Variants in ABLIM1 observed in about 807,000 individuals in gnomAD.
ABLIM1 encodes actin-binding LIM protein 1.
A neutral mutation model predicts 107.0 loss-of-function variants in ABLIM1; 40 were observed. The observed-to-expected ratio is 0.37, with a 90% CI of 0.29 to 0.49. The LOEUF (loss-of-function observed/expected upper bound fraction) is 0.49, where lower values mean the gene tolerates loss of function less well. Ranked by LOEUF, ABLIM1 falls within the 20% of genes least tolerant of loss-of-function variation. ABLIM1 has a pLI of 0.97. For missense variants in ABLIM1, 857 were observed against 1,008.5 expected, an observed-to-expected ratio of 0.85 and a Z score of 2.04; for synonymous variants, 357 against 357.3, an observed-to-expected ratio of 1.00 and a Z score of 0.01.
the ABLIM1 span, among the ~76,000 whole-genome samples, chr10:114,794,319 A>C: frequency 6.6e-6 from 1 of 152,184 alleles, no homozygotes; most frequent in Non-Finnish European, 1.5e-5. Context: ...CTCATCCCCA[A>C]TTACAATGCA....
At chr10:114,464,254 T>C (rs4298818) in intron 12 of ABLIM1, among the ~76,000 whole-genome samples, 70,261 of 150,640 alleles carry the variant, frequency 0.47, 16,409 homozygotes, top group East Asian at 0.54. Flanking sequence ...GGCGCCATCT[T>C]GGCTCACTGC....
intron 1 of ABLIM1, among the ~76,000 whole-genome samples, chr10:114,706,242 A>C (rs1169042927): frequency 6.6e-6 from 1 of 152,358 alleles, no homozygotes; most frequent in Non-Finnish European, 1.5e-5. Flanking sequence ...TTGGGAGTTC[A>C]ACTGATTTAG....
chr10:114,598,274 C>CAAA (rs58133284), intron 2 of ABLIM1, among the ~76,000 whole-genome samples: 857 of 62,824 alleles, frequency 0.014, 11 homozygotes, highest in Non-Finnish European at 0.018. Context: ...AACTCCATCT[C>CAAA]AAAAAAAAAA....
At chr10:114,642,578 T>G (rs1382397432) in intron 1 of ABLIM1, among the ~76,000 whole-genome samples, 1 of 152,134 alleles carries the variant, frequency 6.6e-6, no homozygotes, top group East Asian at 1.9e-4. Context: ...AAAGATTTTT[T>G]TAAATGTATA....
chr10:114,650,657 T>C (rs1044560337), intron 1 of ABLIM1, among the ~76,000 whole-genome samples: 1 of 152,236 alleles, frequency 6.6e-6, no homozygotes, highest in African/African-American at 2.4e-5. Context: ...GTCTTACTTC[T>C]ACCTTTTTCT....
At chr10:114,460,031 GGTCTAAGA>G (rs2063544273) in intron 12 of ABLIM1, among the ~76,000 whole-genome samples, 1 of 152,074 alleles carries the variant, frequency 6.6e-6, no homozygotes, top group African/African-American at 2.4e-5. Context: ...GATCATTCTT[GGTCTAAGA>G]GTCAATAAGA....
At chr10:114,664,437 G>T (rs532263344) in intron 1 of ABLIM1, among the ~76,000 whole-genome samples, 2 of 152,178 alleles carry the variant, frequency 1.3e-5, no homozygotes, top group Non-Finnish European at 2.9e-5. Context: ...CGTTACAGCA[G>T]TAAAAGTTTG....
At chr10:114,684,877 G>C (rs1473057558) in exon 1 of ABLIM1, 1 of 320,960 alleles carries the variant, frequency 3.1e-6, no homozygotes, top group Non-Finnish European at 4.5e-6. Context: ...CAACCAGATG[G>C]GCTTTTAATT....
chr10:114,518,506 C>T (rs1354098631), intron 6 of ABLIM1, among the ~76,000 whole-genome samples: 1 of 151,304 alleles, frequency 6.6e-6, no homozygotes, highest in South Asian at 2.1e-4. Context: ...CAGACGTGGT[C>T]CTGTGCCAAT....
the ABLIM1 span, among the ~76,000 whole-genome samples, chr10:114,782,403 C>T: frequency 1.4e-4 from 21 of 152,138 alleles, no homozygotes; most frequent in East Asian, 2.9e-3. Flanking sequence ...GAACTACCCA[C>T]AGAAAGAGCA....
At position 114,559,774 on chromosome 10, in the gene ABLIM1, C is replaced by A. The variant is rs191949147; in HGVS notation, c.673+11523G>T. Reference sequence around the variant, plus strand: ...ATGGCTGAAGCTTGAAGGCTGTGTTCTCAGCACTGTTGATACTCTTTTTTC... The same window carrying A: ...ATGGCTGAAGCTTGAAGGCTGTGTTATCAGCACTGTTGATACTCTTTTTTC... On this transcript the variant is annotated intron_variant, in intron 4 of 22. Coordinates refer to ENST00000533213, the MANE Select transcript of ABLIM1 (RefSeq NM_002313.7). 3.9e-5 allele frequency among the ~76,000 whole-genome samples: 6 copies of A among 152,334 alleles called. No individual in the cohort carries two copies. The East Asian group carries it at 1.2e-3, about 29-fold the overall frequency.
chr10:114,466,851 G>C (rs2065275585), intron 11 of ABLIM1, among the ~76,000 whole-genome samples: 1 of 152,048 alleles, frequency 6.6e-6, no homozygotes, highest in African/African-American at 2.4e-5. Context: ...ACAAATTGGG[G>C]CACAATTAAG....
At chr10:114,467,196 A>G (rs2065361466) in intron 11 of ABLIM1, among the ~76,000 whole-genome samples, 1 of 152,194 alleles carries the variant, frequency 6.6e-6, no homozygotes, top group Non-Finnish European at 1.5e-5. Context: ...ATTCAATGGA[A>G]TATCATAGCA....
chr10:114,716,095 T>C (rs2081654558), intron 1 of ABLIM1, among the ~76,000 whole-genome samples: 1 of 152,096 alleles, frequency 6.6e-6, no homozygotes, highest in Non-Finnish European at 1.5e-5. Context: ...ATTGTGAGAA[T>C]AGGGAAGGAA....
intron 5 of ABLIM1, among the ~76,000 whole-genome samples, chr10:114,546,875 G>A (rs527584197): frequency 1.3e-5 from 2 of 152,024 alleles, no homozygotes; most frequent in South Asian, 4.2e-4. Flanking sequence ...TGATCTCCTG[G>A]GCTCAAGTGA....
At chr10:114,453,229 G>A in intron 13 of ABLIM1, 150 bp downstream of exon 13, 1 of 748,210 alleles carries the variant, frequency 1.3e-6, no homozygotes. Context: ...TAAAACTTTT[G>A]AAAGGCCCCC....
intron 8 of ABLIM1, among the ~76,000 whole-genome samples, chr10:114,474,336 CT>C (rs1420354172): frequency 6.6e-6 from 1 of 151,934 alleles, no homozygotes; most frequent in Non-Finnish European, 1.5e-5. Context: ...GCCTTCTCCC[CT>C]CCCTTCTTCA....
At chr10:114,663,010 C>T (rs1478486530), upstream of ABLIM1, among the ~76,000 whole-genome samples, 1 of 152,212 alleles carries the variant, frequency 6.6e-6, no homozygotes, top group African/African-American at 2.4e-5. Context: ...GAATCTCCTC[C>T]GTAGAATCAG....
intron 2 of ABLIM1, among the ~76,000 whole-genome samples, chr10:114,581,580 G>A (rs2073381450): frequency 6.6e-6 from 1 of 152,178 alleles, no homozygotes; most frequent in African/African-American, 2.4e-5. Flanking sequence ...ACCAGTAAGA[G>A]AGAGGGGGAT....
Sources: gnomAD v4.1 joint callset for allele counts (sites outside exome capture counted in the v4.1 genomes callset) on GRCh38, gnomAD v4.1.1 for gene constraint, MANE v1.5 for transcripts, NCBI Gene and HGNC (gene_info 2026-07-23, HGNC 2026-07-21) for gene names.